Variants in ARFGEF3 observed in about 807,000 individuals in gnomAD.
ARFGEF3 encodes the protein ARFGEF family member 3, also known as brefeldin A-inhibited guanine nucleotide-exchange protein 3.
Under a neutral mutation model 221.7 loss-of-function variants are expected in ARFGEF3, and 96 were observed. The observed-to-expected ratio is 0.43, with a 90% CI of 0.37 to 0.51. The LOEUF (loss-of-function observed/expected upper bound fraction) is 0.51, where lower values mean the gene tolerates loss of function less well. ARFGEF3 is among the 20% of genes least tolerant of loss of function. ARFGEF3 has a pLI of 0.00. For synonymous variants in ARFGEF3, 1,145 were observed against 1,126.8 expected, an observed-to-expected ratio of 1.02 and a Z score of -0.32; for missense variants, 2,410 against 2,789.9, an observed-to-expected ratio of 0.86 and a Z score of 3.07.
chr6:138,310,008 A>G (rs1011222244), intron 24 of ARFGEF3, among the ~76,000 whole-genome samples: 2 of 152,210 alleles, frequency 1.3e-5, no homozygotes, highest in African/African-American at 4.8e-5. Context: ...CCAAGTTGAC[A>G]TCTAAAATAA....
chr6:138,272,088 C>T (rs1779012851), intron 12 of ARFGEF3, among the ~76,000 whole-genome samples: 1 of 152,168 alleles, frequency 6.6e-6, no homozygotes, highest in African/African-American at 2.4e-5. Flanking sequence ...TCCTGGGAAC[C>T]TACGCTAAAG....
intron 2 of ARFGEF3, among the ~76,000 whole-genome samples, chr6:138,183,231 C>G (rs1777116447): frequency 1.3e-5 from 2 of 152,010 alleles, no homozygotes; most frequent in Non-Finnish European, 2.9e-5. Context: ...CTGGATTTAC[C>G]CCCAACTCTG....
chr6:138,213,678 G>A (rs1777779381), intron 4 of ARFGEF3, among the ~76,000 whole-genome samples: 1 of 151,986 alleles, frequency 6.6e-6, no homozygotes, highest in Non-Finnish European at 1.5e-5. Flanking sequence ...CTGGAGACTG[G>A]GGTGCTTAGA....
At chr6:138,176,601 A>G (rs1776952851) in intron 2 of ARFGEF3, among the ~76,000 whole-genome samples, 1 of 151,780 alleles carries the variant, frequency 6.6e-6, no homozygotes, top group Non-Finnish European at 1.5e-5. Flanking sequence ...GTTGTCATTT[A>G]GATTCTTTGT....
At chr6:138,266,028 C>A (rs1778886310) in intron 12 of ARFGEF3, among the ~76,000 whole-genome samples, 1 of 151,992 alleles carries the variant, frequency 6.6e-6, no homozygotes, top group African/African-American at 2.4e-5. Context: ...CCAGCCTAGG[C>A]AACATAGGGA....
At chr6:138,177,161 C>T (rs1041572341) in intron 2 of ARFGEF3, among the ~76,000 whole-genome samples, 2 of 151,910 alleles carry the variant, frequency 1.3e-5, no homozygotes, top group Non-Finnish European at 2.9e-5. Context: ...GCAATCTCAG[C>T]TCACTGCAAC....
chr6:138,231,649 CT>C lies in ARFGEF3; in HGVS notation c.420+1799del, dbSNP rs1430310683. On this transcript the variant is annotated intron_variant, in intron 5 of 33. Transcript: ENST00000251691. ...ATCGGGAAGCAATTTATAAAAGCAC[CT>C]TAAAATAAACCATTTAAAACTCCTG... Among the ~76,000 whole-genome samples, 3 of 152,290 alleles carry C rather than the reference CT, an allele frequency of 2.0e-5. No individual in the cohort carries two copies. The East Asian group carries it at 5.8e-4, about 29-fold the overall frequency.
At chr6:138,208,854 GGAGGAGCCT>G (rs1777668946) in intron 3 of ARFGEF3, among the ~76,000 whole-genome samples, 1 of 152,160 alleles carries the variant, frequency 6.6e-6, no homozygotes, top group African/African-American at 2.4e-5. Context: ...GAGAACATTT[GGAGGAGCCT>G]GAGGAGGTTT....
intron 8 of ARFGEF3, among the ~76,000 whole-genome samples, chr6:138,247,583 A>G (rs1778508073): frequency 6.6e-6 from 1 of 152,146 alleles, no homozygotes; most frequent in Non-Finnish European, 1.5e-5. Flanking sequence ...CCCAATCAAG[A>G]GTGGTGTTTA....
chr6:138,246,637 T>C (rs1222152755), intron 8 of ARFGEF3, among the ~76,000 whole-genome samples: 2 of 152,238 alleles, frequency 1.3e-5, no homozygotes, highest in African/African-American at 4.8e-5. Flanking sequence ...AAGCTCTCTT[T>C]ATTGAGGCAC....
At chr6:138,286,193 GTA>G in intron 15 of ARFGEF3, 140 bp downstream of exon 15, 1 of 614,748 alleles carries the variant, frequency 1.6e-6, no homozygotes, top group Admixed American at 2.5e-5. Context: ...GCTCACGCCT[GTA>G]ATCCCAGCAC....
In ARFGEF3 at chr6:138,280,043, C is replaced by A. The variant is rs1562377773; in HGVS notation, c.2340C>A (p.Val780=). Residue 780 remains valine (V), a synonymous_variant, in exon 14 of 34, where the codon GTC becomes GTA. Transcript: ENST00000251691. ...TGCAGACCAGCGGCGTGCTGATGGTCTTCTCTCAGGCCTGGATTGAGGAGC... is the reference window on the plus strand; with the variant it reads ...TGCAGACCAGCGGCGTGCTGATGGTATTCTCTCAGGCCTGGATTGAGGAGC... The part of the protein sequence containing the change: ...KQVQTSGVLM[V]FSQAWIEELY... The A allele has an allele frequency of 6.2e-7, 1 of 1,613,762 alleles. No homozygotes were observed. Among genetic ancestry groups the A allele is most frequent in the South Asian group, 1.1e-5 (1 of 91,070 alleles).
At chr6:138,252,236 G>T (rs1030657510) in intron 8 of ARFGEF3, among the ~76,000 whole-genome samples, 3 of 152,098 alleles carry the variant, frequency 2.0e-5, no homozygotes, top group Non-Finnish European at 2.9e-5. Context: ...TTTAGAATAT[G>T]GGTCAGGAAC....
At chr6:138,279,590 A>G (rs2114617705) in intron 13 of ARFGEF3, among the ~76,000 whole-genome samples, 1 of 152,160 alleles carries the variant, frequency 6.6e-6, no homozygotes, top group East Asian at 1.9e-4. Context: ...CCCAAAGATA[A>G]GTGATTGCTT....
At position 138,255,629 on chromosome 6, in the gene ARFGEF3, A is replaced by G. The variant is rs201703121; in HGVS notation, c.964A>G (p.Ile322Val). The change falls in exon 10 of 34, where the codon ATC (isoleucine) becomes GTC (valine). Residue 322 changes from isoleucine (I) to valine (V), a missense_variant. By Grantham distance (29) the Ile-to-Val change is conservative. Around this residue, in one of 5 missense-constraint regions of ARFGEF3, gnomAD observed 570 missense variants for 586.9 expected, o/e 0.97. Coordinates refer to ENST00000251691, the MANE Select transcript of ARFGEF3 (RefSeq NM_020340.5). ...CCTGAGCGGACCTGTGGCTCGGACT[A>G]TCTATTACATCGCAGCCGAGCTGGT... is the stretch of plus-strand genomic sequence containing the variant. Reference protein sequence around the residue: ...PALSGPVARTIYYIAAELVRL... With the variant: ...PALSGPVARTVYYIAAELVRL... 4.3e-6 allele frequency: 7 copies of G among 1,613,836 alleles called. No homozygotes were observed. Among genetic ancestry groups the G allele is most frequent in the East Asian group, 2.2e-5 (1 of 44,884 alleles).
At chr6:138,256,859 A>C (rs1327198650) in intron 10 of ARFGEF3, among the ~76,000 whole-genome samples, 1 of 152,020 alleles carries the variant, frequency 6.6e-6, no homozygotes, top group Non-Finnish European at 1.5e-5. Flanking sequence ...ATCATGGCTC[A>C]ATGCAGCATG....
At chr6:138,218,212 T>C in intron 4 of ARFGEF3, 1 of 1,613,902 alleles carries the variant, frequency 6.2e-7, no homozygotes, top group Non-Finnish European at 8.5e-7. Flanking sequence ...GCCTTTTGAC[T>C]TCTTTTTACT....
intron 6 of ARFGEF3, among the ~76,000 whole-genome samples, chr6:138,239,381 C>T (rs1355135971): frequency 6.6e-6 from 1 of 152,122 alleles, no homozygotes; most frequent in Non-Finnish European, 1.5e-5. Flanking sequence ...GACGTGGTGG[C>T]TCACACCTGT....
At chr6:138,275,571 C>T (rs979409126) in intron 12 of ARFGEF3, among the ~76,000 whole-genome samples, 1 of 152,080 alleles carries the variant, frequency 6.6e-6, no homozygotes, top group African/African-American at 2.4e-5. Flanking sequence ...TGGTGAAACC[C>T]TGTCTTTACT....
Sources: allele counts gnomAD v4.1 joint callset (sites outside exome capture counted in the v4.1 genomes callset), GRCh38; gene constraint gnomAD v4.1.1; regional missense constraint gnomAD v4.1.1; transcripts MANE v1.5; gene names NCBI Gene and HGNC (gene_info 2026-07-23, HGNC 2026-07-21).